SLC44A1: variants seen among roughly 807,000 people sequenced by gnomAD.
SLC44A1 encodes solute carrier family 44 member 1.
A neutral mutation model predicts 79.3 loss-of-function variants in SLC44A1; 26 were observed. The ratio of observed to expected loss-of-function variants is 0.33; its 90% CI spans 0.24 to 0.46. The LOEUF is 0.46. Ranked by LOEUF, SLC44A1 falls within the 20% of genes least tolerant of loss-of-function variation. The pLI, the probability that SLC44A1 is intolerant of heterozygous loss-of-function variation, is 1.00. For synonymous variants in SLC44A1, 263 were observed against 286.2 expected, an observed-to-expected ratio of 0.92 and a Z score of 0.82; for missense variants, 688 against 798.1, an observed-to-expected ratio of 0.86 and a Z score of 1.66.
chr9:105,388,747 G>T (rs1828691261), intron 15 of SLC44A1, among the ~76,000 whole-genome samples: 2 of 152,160 alleles, frequency 1.3e-5, no homozygotes, highest in African/African-American at 4.8e-5. Context: ...CTGTCTGCTT[G>T]CTATCATATA....
chr9:105,354,370 C>T (rs1209114945), intron 5 of SLC44A1, among the ~76,000 whole-genome samples: 1 of 152,084 alleles, frequency 6.6e-6, no homozygotes, highest in Non-Finnish European at 1.5e-5. Flanking sequence ...TTTTGATTCT[C>T]ATAATATTTT....
intron 3 of SLC44A1, among the ~76,000 whole-genome samples, chr9:105,311,444 C>G (rs1390235771): frequency 6.6e-6 from 1 of 152,126 alleles, no homozygotes; most frequent in African/African-American, 2.4e-5. Context: ...CATAACTTGC[C>G]ATGACTCCAA....
At chr9:105,266,975 G>T (rs1007422892) in intron 1 of SLC44A1, among the ~76,000 whole-genome samples, 1 of 151,834 alleles carries the variant, frequency 6.6e-6, no homozygotes, top group Non-Finnish European at 1.5e-5. Context: ...AGCCTTCTTT[G>T]AGTTTTTTTT....
chr9:105,320,192 T>G (rs1298485249), intron 3 of SLC44A1, among the ~76,000 whole-genome samples: 1 of 152,208 alleles, frequency 6.6e-6, no homozygotes, highest in Non-Finnish European at 1.5e-5. Flanking sequence ...CATCAGTGGT[T>G]AGTTCCTTTT....
chr9:105,275,872 T>G (rs1367255863), intron 1 of SLC44A1, among the ~76,000 whole-genome samples: 1 of 151,524 alleles, frequency 6.6e-6, no homozygotes, highest in African/African-American at 2.4e-5. Context: ...TGGCGCGATC[T>G]CAGCTCACTG....
At chr9:105,341,318 A>C (rs1827080827) in intron 4 of SLC44A1, among the ~76,000 whole-genome samples, 1 of 150,672 alleles carries the variant, frequency 6.6e-6, no homozygotes, top group Non-Finnish European at 1.5e-5. Context: ...CTGGGCAACA[A>C]GAACGAAACT....
intron 1 of SLC44A1, among the ~76,000 whole-genome samples, chr9:105,263,729 G>T (rs1427719733): frequency 6.6e-6 from 1 of 151,872 alleles, no homozygotes; most frequent in Non-Finnish European, 1.5e-5. Flanking sequence ...TAGAGACAGG[G>T]TTTCACTATG....
At chr9:105,410,704 G>C (rs1484485776) in intron 15 of SLC44A1, among the ~76,000 whole-genome samples, 5 of 152,176 alleles carry the variant, frequency 3.3e-5, no homozygotes, top group Admixed American at 3.3e-4. Context: ...CCAAATGATT[G>C]AAAACAGGTG....
rs1250437684 is a variant in SLC44A1, at chr9:105,244,832, G to A, written c.-37G>A. On this transcript the variant is annotated 5_prime_UTR_variant, in exon 1 of 16. Coordinates refer to ENST00000374720, the MANE Select transcript of SLC44A1 (RefSeq NM_080546.5). ...CCGAGGGGCTCCGGGGCGTAGCTGC[G>A]CGCCCGGCGCCGCCTCCGGGCTCCT... 2 of 1,102,220 alleles carry A rather than the reference G, an allele frequency of 1.8e-6. No homozygotes were observed. Among genetic ancestry groups the A allele is most frequent in the African/African-American group, 1.7e-5 (1 of 59,314 alleles). The allele number at this position is 1,102,220 out of a possible 1,614,324, so 68.3% of individuals were successfully genotyped here.
At chr9:105,375,932 T>C (rs1284008246) in intron 13 of SLC44A1, among the ~76,000 whole-genome samples, 1 of 152,258 alleles carries the variant, frequency 6.6e-6, no homozygotes, top group African/African-American at 2.4e-5. Context: ...TTCTATAGTA[T>C]AACAATCATA....
chr9:105,257,764 T>C (rs1564400082), intron 1 of SLC44A1, among the ~76,000 whole-genome samples: 1 of 152,134 alleles, frequency 6.6e-6, no homozygotes, highest in African/African-American at 2.4e-5. Context: ...GGAGAGGAAT[T>C]CCAGTGTAAA....
chr9:105,374,876 A>G, intron 13 of SLC44A1, 141 bp downstream of exon 13: 2 of 631,752 alleles, frequency 3.2e-6, no homozygotes, highest in Non-Finnish European at 5.5e-6. Flanking sequence ...CTGTGTGTCC[A>G]GCATTGTGAT....
intron 3 of SLC44A1, 39 bp downstream of exon 3, chr9:105,309,905 T>C (rs202080613): frequency 6.3e-7 from 1 of 1,592,064 alleles, no homozygotes; most frequent in East Asian, 2.3e-5. Context: ...ATGGAAACTT[T>C]GAAAGAGGCA....
intron 1 of SLC44A1, among the ~76,000 whole-genome samples, chr9:105,276,098 G>A (rs139815286): frequency 2.0e-4 from 31 of 152,194 alleles, no homozygotes; most frequent in African/African-American, 6.7e-4. Flanking sequence ...GAGCCTCCGT[G>A]CCTGCCTGGA....
At chr9:105,296,569 T>C (rs1457129267) in intron 1 of SLC44A1, among the ~76,000 whole-genome samples, 1 of 152,228 alleles carries the variant, frequency 6.6e-6, no homozygotes, top group Admixed American at 6.5e-5. Flanking sequence ...CCATACATGC[T>C]GTTTGTTAAG....
intron 15 of SLC44A1, among the ~76,000 whole-genome samples, chr9:105,437,506 T>G (rs140938623): frequency 6.6e-6 from 1 of 152,222 alleles, no homozygotes; most frequent in East Asian, 1.9e-4. Context: ...ACATATCTAT[T>G]AGGTATATAG....
chr9:105,348,461 A>G lies in SLC44A1; in HGVS notation c.500+10A>G. On this transcript the variant is annotated intron_variant, in intron 5 of 15. Coordinates refer to ENST00000374720, the MANE Select transcript of SLC44A1 (RefSeq NM_080546.5). ...TACCAGTTCCAGCGAGGTAAATTTT[A>G]TTGCAAAGTTGTTAACTTGTGACTG... 6.6e-7 allele frequency: 1 copy of G among 1,517,450 alleles called. No individual in the cohort carries two copies. Among genetic ancestry groups the G allele is most frequent in the East Asian group, 2.3e-5 (1 of 44,246 alleles). 94.0% of individuals were successfully genotyped at this position (1,517,450 alleles called of 1,614,324 possible). A position where few individuals can be genotyped will look rare whatever the true frequency, so the allele number is the denominator to read the frequency against.
intron 15 of SLC44A1, among the ~76,000 whole-genome samples, chr9:105,416,029 G>A (rs56268223): frequency 0.017 from 2,636 of 150,944 alleles, 32 homozygotes; most frequent in Admixed American, 0.034. Flanking sequence ...AGCCTCCCAA[G>A]TAGCTGAGAC....
At chr9:105,368,219 T>TTTTTTACAGA (rs201410170) in intron 12 of SLC44A1, among the ~76,000 whole-genome samples, 1 of 152,108 alleles carries the variant, frequency 6.6e-6, no homozygotes, top group East Asian at 1.9e-4. Context: ...TTTTACAGAT[T>TTTTTTACAGA]TTGTCCATTT....
Sources: allele counts gnomAD v4.1 joint callset (sites outside exome capture counted in the v4.1 genomes callset), GRCh38; gene constraint gnomAD v4.1.1; transcripts MANE v1.5; gene names NCBI Gene and HGNC (gene_info 2026-07-23, HGNC 2026-07-21).